RCOR3: variants seen among roughly 807,000 people sequenced by gnomAD.
RCOR3 encodes the protein REST corepressor 3.
A neutral mutation model predicts 64.1 loss-of-function variants in RCOR3; 13 were observed. The ratio of observed to expected loss-of-function variants is 0.20; its 90% CI spans 0.13 to 0.32. RCOR3 has a LOEUF of 0.32. Ranked by LOEUF, RCOR3 falls within the 10% of genes least tolerant of loss-of-function variation. The pLI, the probability that RCOR3 is intolerant of heterozygous loss-of-function variation, is 1.00. For missense variants in RCOR3, 489 were observed against 701.2 expected, an observed-to-expected ratio of 0.70 and a Z score of 3.42; for synonymous variants, 215 against 239.0, an observed-to-expected ratio of 0.90 and a Z score of 0.93.
At chr1:211,299,160 A>C (rs1420163110) in intron 9 of RCOR3, among the ~76,000 whole-genome samples, 1 of 152,250 alleles carries the variant, frequency 6.6e-6, no homozygotes, top group East Asian at 1.9e-4. Context: ...AAATTAGAAC[A>C]GGGAAACTTG....
At chr1:211,290,596 T>C (rs562934712) in intron 8 of RCOR3, among the ~76,000 whole-genome samples, 1 of 152,306 alleles carries the variant, frequency 6.6e-6, no homozygotes, top group East Asian at 1.9e-4. Flanking sequence ...CAGGCTTGTC[T>C]CAAACTCCTG....
At position 211,278,128 on chromosome 1, in the gene RCOR3, G is replaced by A. The variant is rs1445078000; in HGVS notation, c.528G>A (p.Lys176=). Residue 176 remains lysine (K), a synonymous_variant, in exon 6 of 12, where the codon AAG becomes AAA. Coordinates refer to ENST00000419091, the MANE Select transcript of RCOR3 (RefSeq NM_001136223.3). ...FHRIQQMLPD[K]TIASLVKYYY... is the part of the protein sequence containing the mutation. ...TGATTTTTTTTAAGCTTCCAGATAA[G>A]ACAATTGCAAGCCTTGTAAAATATT... 2 of 1,593,216 alleles carry A rather than the reference G, an allele frequency of 1.3e-6. No homozygotes were observed. Among genetic ancestry groups the A allele is most frequent in the African/African-American group, 2.7e-5 (2 of 73,294 alleles).
chr1:211,279,403 TTAATG>T (rs879143523), intron 7 of RCOR3, 87 bp downstream of exon 7: 55 of 921,990 alleles, frequency 6.0e-5, no homozygotes, highest in African/African-American at 5.2e-4. Context: ...GAAAAACTTT[TTAATG>T]TAATGCTTTA....
chr1:211,259,944 C>G, intron 1 of RCOR3, 164 bp from the exon 2 acceptor site: 1 of 1,371,256 alleles, frequency 7.3e-7, no homozygotes, highest in Non-Finnish European at 9.4e-7. Flanking sequence ...GCTCCCCGCC[C>G]CCAATCCGCT....
At chr1:211,267,342 C>G (rs114269909) in intron 2 of RCOR3, among the ~76,000 whole-genome samples, 1 of 152,194 alleles carries the variant, frequency 6.6e-6, no homozygotes, top group Non-Finnish European at 1.5e-5. Flanking sequence ...TCCCTTACTT[C>G]CTGTATCAGT....
chr1:211,279,206 A>AAT, intron 6 of RCOR3, 32 bp from the exon 7 acceptor site: 1 of 1,424,858 alleles, frequency 7.0e-7, no homozygotes, highest in South Asian at 1.2e-5. Flanking sequence ...AAAAAAAGGG[A>AAT]ATTAAGTGTA....
At chr1:211,274,950 G>A (rs1462628172) in intron 4 of RCOR3, among the ~76,000 whole-genome samples, 1 of 151,424 alleles carries the variant, frequency 6.6e-6, no homozygotes, top group Non-Finnish European at 1.5e-5. Context: ...AATTTAGTAA[G>A]TATAACATAC....
chr1:211,273,387 A>T (rs900843517), intron 3 of RCOR3, among the ~76,000 whole-genome samples: 10 of 152,206 alleles, frequency 6.6e-5, no homozygotes, highest in African/African-American at 2.2e-4. Context: ...AAACCCAGGT[A>T]GACTAGCTGT....
At chr1:211,272,143 A>G (rs2102474440) in intron 3 of RCOR3, among the ~76,000 whole-genome samples, 1 of 152,300 alleles carries the variant, frequency 6.6e-6, no homozygotes, top group South Asian at 2.1e-4. Context: ...CTTACCTGAT[A>G]AATCTTTCTA....
At position 211,313,125 on chromosome 1, in the gene RCOR3, A is replaced by G; in HGVS notation, c.1317+164A>G. ...CTCTCGTGACTCTTAAGTCATAATG[A>G]CATGCTAAGTTCTGATTCTAGAAGA... On this transcript the variant is annotated intron_variant, in intron 11 of 11. Transcript: ENST00000419091. The surrounding 1 kb of genome is among the most constrained non-coding windows in gnomAD (Gnocchi z 4.7). The G allele has an allele frequency of 6.7e-7, 1 of 1,498,222 alleles. No homozygotes were observed. The highest frequency in any genetic ancestry group is 8.8e-7 in the Non-Finnish European group (1 of 1,132,616). The allele number at this position is 1,498,222 out of a possible 1,614,324, so 92.8% of individuals were successfully genotyped here. A position where few individuals can be genotyped will look rare whatever the true frequency, so the allele number is the denominator to read the frequency against.
chr1:211,284,026 ATTAT>A (rs1168899282), intron 7 of RCOR3, among the ~76,000 whole-genome samples: 7 of 150,778 alleles, frequency 4.6e-5, no homozygotes, highest in African/African-American at 1.7e-4. Flanking sequence ...TTTTAAATTT[ATTAT>A]TTATTTATTT....
chr1:211,285,013 A>G (rs1698334952), intron 7 of RCOR3, among the ~76,000 whole-genome samples: 2 of 152,138 alleles, frequency 1.3e-5, no homozygotes, highest in Non-Finnish European at 2.9e-5. Context: ...TTGCTAGGGT[A>G]AGTTCTGCTA....
intron 4 of RCOR3, among the ~76,000 whole-genome samples, chr1:211,274,562 G>A (rs976750291): frequency 2.6e-5 from 4 of 152,012 alleles, no homozygotes; most frequent in Non-Finnish European, 4.4e-5. Flanking sequence ...AAAATGAAAA[G>A]TTAAGGTTTT....
chr1:211,299,213 G>A (rs1334692539), intron 9 of RCOR3, among the ~76,000 whole-genome samples: 3 of 152,152 alleles, frequency 2.0e-5, no homozygotes, highest in African/African-American at 7.2e-5. Context: ...CAATGATAAA[G>A]GGGTATCAGT....
At chr1:211,282,327 T>C (rs1697921935) in intron 7 of RCOR3, among the ~76,000 whole-genome samples, 1 of 152,176 alleles carries the variant, frequency 6.6e-6, no homozygotes, top group South Asian at 2.1e-4. Flanking sequence ...CATTATTGCT[T>C]TTAATATAGA....
intron 2 of RCOR3, 45 bp downstream of exon 2, chr1:211,260,209 G>T (rs1220881920): frequency 6.3e-7 from 1 of 1,588,800 alleles, no homozygotes; most frequent in East Asian, 2.2e-5. Flanking sequence ...CCTTTCCTGG[G>T]CTTGGTTTGG....
chr1:211,298,659 G>A (rs1297220727), intron 9 of RCOR3, among the ~76,000 whole-genome samples: 2 of 152,138 alleles, frequency 1.3e-5, no homozygotes. Flanking sequence ...TTGAGTAGGG[G>A]CATCTTTGTG....
At chr1:211,284,305 C>G (rs1012504995) in intron 7 of RCOR3, among the ~76,000 whole-genome samples, 1 of 152,000 alleles carries the variant, frequency 6.6e-6, no homozygotes, top group African/African-American at 2.4e-5. Context: ...TGGTCTCGAT[C>G]TCCTGACCTT....
At position 211,314,072 on chromosome 1, in the gene RCOR3, A is replaced by C. The variant is rs927369892; in HGVS notation, c.*304A>C. ...TATACCAAGTTTTTGTTTTGTTTTT[A>C]CTGTATTTATTTTATTGAGGTTCTT... On this transcript the variant is annotated 3_prime_UTR_variant, in exon 12 of 12. Coordinates refer to ENST00000419091, the MANE Select transcript of RCOR3 (RefSeq NM_001136223.3). The C allele has an allele frequency of 3.7e-6, 1 of 271,968 alleles. No homozygotes were observed. The highest frequency in any genetic ancestry group is 2.2e-5 in the African/African-American group (1 of 45,260). The allele number at this position is 271,968 out of a possible 1,614,324, so 16.8% of individuals were successfully genotyped here. A position where few individuals can be genotyped will look rare whatever the true frequency, so the allele number is the denominator to read the frequency against.
Sources: allele counts gnomAD v4.1 joint callset (sites outside exome capture counted in the v4.1 genomes callset), GRCh38; gene constraint gnomAD v4.1.1; non-coding constraint Gnocchi (gnomAD v3.1); transcripts MANE v1.5; gene names NCBI Gene and HGNC (gene_info 2026-07-23, HGNC 2026-07-21).